Variants in TXLNG observed in about 807,000 individuals in gnomAD.
The protein encoded by TXLNG is gamma-taxilin.
In TXLNG, 5 loss-of-function variants were observed where a neutral mutation model predicts 38.8. The observed-to-expected ratio is 0.13, with a 90% CI of 0.07 to 0.27. The LOEUF is 0.27. Ranked by LOEUF, TXLNG falls within the 10% of genes least tolerant of loss-of-function variation. The pLI, the probability that TXLNG is intolerant of heterozygous loss-of-function variation, is 1.00. For missense variants in TXLNG, 393 were observed against 398.2 expected (o/e 0.99, Z 0.11); for synonymous variants, 182 against 158.2 (o/e 1.15, Z -1.13).
chrX:16,803,682 G>A (rs1208651865), intron 1 of TXLNG, among the ~76,000 whole-genome samples: 3 of 104,663 alleles, frequency 2.9e-5, no homozygotes, highest in African/African-American at 6.9e-5. Context: ...GGCCAGGCGC[G>A]GTGGCTCACG....
chrX:16,799,548 G>A (rs1269165923), intron 1 of TXLNG, among the ~76,000 whole-genome samples: 2 of 111,225 alleles, frequency 1.8e-5, no homozygotes, highest in African/African-American at 6.5e-5. Context: ...CAAGGCGGGC[G>A]GATCACGAGG....
chrX:16,839,923 T>C lies in TXLNG; in HGVS notation c.1248+7T>C. ...TCTGCAAATGGCTGAAGAGGTGAGA[T>C]GGTTTCCTGCGACTAAGGTGTAGTC... On this transcript the variant is annotated splice_region_variant and intron_variant, in intron 9 of 9. Transcript: ENST00000380122. 8.5e-7 allele frequency: 1 copy of C among 1,170,299 alleles called. No individual in the cohort carries two copies. Among genetic ancestry groups the C allele is most frequent in the Non-Finnish European group, 1.2e-6 (1 of 866,999 alleles).
rs1929879238 is a variant in TXLNG at position 16,842,165 on chromosome X, ATAT to A, written c.*404_*406del. 1.9e-5 allele frequency: 2 copies of A among 103,166 alleles called. No homozygotes were observed. The highest frequency in any genetic ancestry group is 1.1e-4 in the Admixed American group (1 of 9,461). The allele number at this position is 103,166 out of a possible 1,213,427, so 8.5% of individuals were successfully genotyped here. On this transcript the variant is annotated 3_prime_UTR_variant, in exon 10 of 10. Transcript: ENST00000380122. ...AAACGTCTTAGCCCCCCCCCCCATA[ATAT>A]TATTCAGAAAAACAAAATACCAAGG... is the stretch of plus-strand genomic sequence containing the variant.
intron 9 of TXLNG, 57 bp from the exon 10 acceptor site, chrX:16,841,371 T>C (rs1266233693): frequency 9.1e-7 from 1 of 1,098,937 alleles, no homozygotes; most frequent in Non-Finnish European, 1.2e-6. Flanking sequence ...TGGCTTAATT[T>C]TTTTGTAACC....
chrX:16,839,733 A>C, intron 8 of TXLNG, 88 bp from the exon 9 acceptor site: 5 of 601,443 alleles, frequency 8.3e-6, no homozygotes, highest in Non-Finnish European at 1.3e-5. Flanking sequence ...GGGGGAGGGG[A>C]GGGGCACAGA....
intron 1 of TXLNG, among the ~76,000 whole-genome samples, chrX:16,804,965 C>CT (rs1928266607): frequency 5.9e-5 from 1 of 17,022 alleles, no homozygotes; most frequent in Non-Finnish European, 9.3e-5. Context: ...GTCACCACCA[C>CT]TGCCCACCCC....
intron 4 of TXLNG, 22 bp from the exon 5 acceptor site, chrX:16,829,554 A>G (rs776054162): frequency 4.4e-5 from 53 of 1,200,561 alleles, no homozygotes; most frequent in Middle Eastern, 2.3e-4. Flanking sequence ...TATTATTAAC[A>G]AAAATTATTT....
intron 1 of TXLNG, among the ~76,000 whole-genome samples, chrX:16,795,292 T>A (rs1246200098): frequency 9.0e-6 from 1 of 111,317 alleles, no homozygotes; most frequent in Non-Finnish European, 1.9e-5. Flanking sequence ...AAAATAAAAA[T>A]AATAATTTAT....
Position 16,843,525 on chromosome X carries a change from A to T in TXLNG, c.*1759A>T, listed in dbSNP as rs1472374250. 8.9e-6 allele frequency: 1 copy of T among 112,182 alleles called. No homozygotes were observed. Among genetic ancestry groups the T allele is most frequent in the African/African-American group, 3.2e-5 (1 of 30,870 alleles). The allele number at this position is 112,182 out of a possible 1,213,427, so 9.2% of individuals were successfully genotyped here. A position where few individuals can be genotyped will look rare whatever the true frequency, so the allele number is the denominator to read the frequency against. On this transcript the variant is annotated 3_prime_UTR_variant, in exon 10 of 10. Coordinates refer to ENST00000380122, the MANE Select transcript of TXLNG (RefSeq NM_018360.3). ...GTTCTGCTACTAAAATACTAGACTC[A>T]TTTCCCTGGTGGTGGGGGGGAATGC...
intron 1 of TXLNG, among the ~76,000 whole-genome samples, chrX:16,816,657 A>T (rs1928756821): frequency 8.9e-6 from 1 of 112,242 alleles, no homozygotes; most frequent in Non-Finnish European, 1.9e-5. Flanking sequence ...TCTGAAATAG[A>T]TAACCCATTT....
At chrX:16,820,935 G>T (rs1444206780) in intron 3 of TXLNG, among the ~76,000 whole-genome samples, 1 of 106,083 alleles carries the variant, frequency 9.4e-6, no homozygotes, top group Non-Finnish European at 2.0e-5. Context: ...CGCCTGGCTA[G>T]TTTTTTTAAT....
intron 1 of TXLNG, among the ~76,000 whole-genome samples, chrX:16,806,816 C>T (rs1235049716): frequency 9.3e-6 from 1 of 107,901 alleles, no homozygotes; most frequent in African/African-American, 3.4e-5. Flanking sequence ...ACTCGGGAGG[C>T]TGAGGCAGGA....
chrX:16,829,814 A>C, intron 5 of TXLNG, 44 bp downstream of exon 5: 1 of 1,157,476 alleles, frequency 8.6e-7, no homozygotes, highest in Non-Finnish European at 1.2e-6. Context: ...AAGATTAGCA[A>C]AAGTGTCACC....
At chrX:16,806,880 G>GCAC (rs1320851141) in intron 1 of TXLNG, among the ~76,000 whole-genome samples, 2 of 99,127 alleles carry the variant, frequency 2.0e-5, no homozygotes, top group Admixed American at 1.2e-4. Flanking sequence ...TCGTGCCACT[G>GCAC]CACTCCATCC....
At chrX:16,830,402 C>T (rs1929349748) in intron 5 of TXLNG, among the ~76,000 whole-genome samples, 1 of 104,096 alleles carries the variant, frequency 9.6e-6, no homozygotes, top group African/African-American at 3.5e-5. Context: ...AAGCGAGGAA[C>T]TTGAAAAACC....
chrX:16,796,679 G>C (rs1283984329), intron 1 of TXLNG, among the ~76,000 whole-genome samples: 1 of 111,210 alleles, frequency 9.0e-6, no homozygotes, highest in Non-Finnish European at 1.9e-5. Flanking sequence ...TGAATAAGAA[G>C]GAAGTGGCAC....
chrX:16,786,659 C>T (rs2147452852), intron 1 of TXLNG, 70 bp downstream of exon 1: 7 of 765,135 alleles, frequency 9.1e-6, no homozygotes, highest in East Asian at 4.3e-5. Flanking sequence ...TCAGGGTCCA[C>T]CTCTTCTCTC....
At chrX:16,826,238 C>T (rs969609090) in intron 3 of TXLNG, among the ~76,000 whole-genome samples, 2 of 111,647 alleles carry the variant, frequency 1.8e-5, no homozygotes, top group East Asian at 2.8e-4. Context: ...GTGTACAGTT[C>T]GCAGTAATTT....
rs377443501 is a variant in TXLNG, at chrX:16,820,187, C to G, written c.430C>G (p.Gln144Glu). 6.5e-5 allele frequency: 79 copies of G among 1,206,190 alleles called. No homozygotes were observed. The highest frequency in any genetic ancestry group is 8.4e-5 in the Non-Finnish European group (75 of 893,588). Reference protein sequence around the residue: ...TLGKEVLLLMQALNTLSTPEE... With the variant: ...TLGKEVLLLMEALNTLSTPEE... ...AGGAAAAGAAGTTTTATTACTGATG[C>G]AAGCCCTAAACACCCTTTCAACCCC... Residue 144 changes from glutamine to glutamate, a missense_variant, in exon 3 of 10, where the codon CAA becomes GAA. By Grantham distance (29) the Gln-to-Glu change is conservative (BLOSUM62 2). Coordinates refer to ENST00000380122, the MANE Select transcript of TXLNG (RefSeq NM_018360.3).
Sources: allele counts gnomAD v4.1 joint callset (sites outside exome capture counted in the v4.1 genomes callset), GRCh38; gene constraint gnomAD v4.1.1; transcripts MANE v1.5; gene names NCBI Gene and HGNC (gene_info 2026-07-23, HGNC 2026-07-21).